Variants in MARK3 observed in about 807,000 individuals in gnomAD.
MARK3 encodes the protein microtubule affinity regulating kinase 3.
Under a neutral mutation model 90.1 loss-of-function variants are expected in MARK3, and 46 were observed. The observed-to-expected ratio is 0.51, with a 90% CI of 0.40 to 0.65. The LOEUF (loss-of-function observed/expected upper bound fraction) is 0.65, where lower values mean the gene tolerates loss of function less well. Ranked by LOEUF, MARK3 falls within the 30% of genes least tolerant of loss-of-function variation. The pLI is 0.00. For synonymous variants in MARK3, 321 were observed against 332.6 expected (o/e 0.97, Z 0.38); for missense variants, 818 against 947.2 (o/e 0.86, Z 1.79).
At chr14:103,421,606 A>G (rs1455973664) in intron 2 of MARK3, among the ~76,000 whole-genome samples, 3 of 152,152 alleles carry the variant, frequency 2.0e-5, no homozygotes, top group Non-Finnish European at 4.4e-5. Context: ...CACGCAACAC[A>G]GAGTTATTTT....
chr14:103,494,010 G>T (rs1256942551), intron 15 of MARK3, among the ~76,000 whole-genome samples: 1 of 151,756 alleles, frequency 6.6e-6, no homozygotes, highest in African/African-American at 2.4e-5. Flanking sequence ...AAGAGGGGCG[G>T]ATCACCTGGG....
At chr14:103,403,247 A>G (rs549288923) in intron 1 of MARK3, among the ~76,000 whole-genome samples, 1 of 152,180 alleles carries the variant, frequency 6.6e-6, no homozygotes, top group Admixed American at 6.5e-5. Context: ...CACAGATAGT[A>G]AAACCACTTG....
rs138377305 is a variant in MARK3 at position 103,392,791 on chromosome 14, G to A, written c.51+6711G>A. Among the ~76,000 whole-genome samples, 612 of 150,514 alleles carry A rather than the reference G, an allele frequency of 4.1e-3. 2 individuals are homozygous for A. The highest frequency in any genetic ancestry group is 0.01 in the Middle Eastern group (3 of 292). ...TATCTCATTTAAAATATGTAATATGGTTTTATTTAATTAGCTTTTTTTTTT... is the reference window on the plus strand; with the variant it reads ...TATCTCATTTAAAATATGTAATATGATTTTATTTAATTAGCTTTTTTTTTT... On this transcript the variant is annotated intron_variant, in intron 1 of 17. Coordinates refer to ENST00000429436, the MANE Select transcript of MARK3 (RefSeq NM_001128918.3).
intron 3 of MARK3, among the ~76,000 whole-genome samples, chr14:103,435,942 G>A (rs1472325043): frequency 1.3e-5 from 2 of 151,978 alleles, no homozygotes; most frequent in African/African-American, 2.4e-5. Context: ...CCAGCCTGGA[G>A]TGCAGTGGTG....
chr14:103,440,289 G>T (rs145654561), intron 3 of MARK3, among the ~76,000 whole-genome samples: 1 of 152,250 alleles, frequency 6.6e-6, no homozygotes, highest in African/African-American at 2.4e-5. Flanking sequence ...GTGTGTCCTG[G>T]CACACTTGTG....
intron 2 of MARK3, among the ~76,000 whole-genome samples, chr14:103,409,702 T>C (rs533278018): frequency 6.6e-6 from 1 of 152,276 alleles, no homozygotes; most frequent in East Asian, 1.9e-4. Context: ...TCATGGAACA[T>C]GATGACAGTT....
chr14:103,395,333 T>G (rs1433989486), intron 1 of MARK3, among the ~76,000 whole-genome samples: 1 of 148,502 alleles, frequency 6.7e-6, no homozygotes, highest in Non-Finnish European at 1.5e-5. Context: ...CCTCATGGTT[T>G]TTTTTTTTTT....
chr14:103,436,223 A>G (rs1271970277), intron 3 of MARK3, among the ~76,000 whole-genome samples: 1 of 151,924 alleles, frequency 6.6e-6, no homozygotes, highest in East Asian at 1.9e-4. Flanking sequence ...CCTTCCCCAA[A>G]TATTCTAAGT....
At chr14:103,447,646 G>T (rs1214501699) in intron 3 of MARK3, among the ~76,000 whole-genome samples, 1 of 152,076 alleles carries the variant, frequency 6.6e-6, no homozygotes, top group Non-Finnish European at 1.5e-5. Context: ...GTTTTTCTGG[G>T]TTATATTAAC....
At chr14:103,467,801 T>G (rs983130105) in intron 11 of MARK3, 15 of 371,844 alleles carry the variant, frequency 4.0e-5, no homozygotes, top group African/African-American at 2.9e-4. Context: ...ACATTTAAAG[T>G]TATTTGAGAA....
chr14:103,478,814 C>T (rs1319185541), intron 13 of MARK3, among the ~76,000 whole-genome samples: 2 of 152,170 alleles, frequency 1.3e-5, no homozygotes, highest in African/African-American at 2.4e-5. Context: ...GCTGGGATTA[C>T]AGGCGTGAGC....
intron 3 of MARK3, among the ~76,000 whole-genome samples, chr14:103,441,718 A>G (rs968388280): frequency 4.6e-5 from 7 of 152,244 alleles, no homozygotes; most frequent in African/African-American, 1.4e-4. Flanking sequence ...ATCCAGTTTC[A>G]TGGTTTTTCG....
intron 5 of MARK3, among the ~76,000 whole-genome samples, chr14:103,452,763 G>T (rs1270960613): frequency 6.6e-6 from 1 of 152,132 alleles, no homozygotes; most frequent in African/African-American, 2.4e-5. Context: ...GAGCCACCGC[G>T]CCCGGCCAGG....
In MARK3 at chr14:103,449,034, A is replaced by G. The variant is rs942879391; in HGVS notation, c.346+67A>G. 1.3e-5 allele frequency: 18 copies of G among 1,438,696 alleles called. No individual in the cohort carries two copies. In the African/African-American group the frequency reaches 2.6e-4, roughly 21 times the overall value. 89.1% of individuals were successfully genotyped at this position (1,438,696 alleles called of 1,614,324 possible). A position where few individuals can be genotyped will look rare whatever the true frequency, so the allele number is the denominator to read the frequency against. On this transcript the variant is annotated intron_variant, in intron 4 of 17. Transcript: ENST00000429436. Reference sequence around the variant, plus strand: ...ACTTGAAATTATGTCATAAAGCTAAACACGTATTCTAGAAATGGTAGAGTA... The same window carrying G: ...ACTTGAAATTATGTCATAAAGCTAAGCACGTATTCTAGAAATGGTAGAGTA...
intron 12 of MARK3, among the ~76,000 whole-genome samples, chr14:103,469,815 C>G (rs567476860): frequency 2.6e-5 from 4 of 152,130 alleles, no homozygotes; most frequent in African/African-American, 9.6e-5. Flanking sequence ...GTAATTCCAG[C>G]ACCTTGGGAG....
intron 1 of MARK3, among the ~76,000 whole-genome samples, chr14:103,395,362 A>G (rs1284858567): frequency 2.5e-5 from 2 of 79,908 alleles, no homozygotes; most frequent in African/African-American, 9.8e-5. Context: ...AGAGAATAAC[A>G]TCATTCAAGT....
At chr14:103,409,435 T>TAAAAAAAAAAAA (rs61200962) in intron 2 of MARK3, among the ~76,000 whole-genome samples, 3 of 93,420 alleles carry the variant, frequency 3.2e-5, no homozygotes, top group African/African-American at 8.3e-5. Flanking sequence ...GAACTTAAAG[T>TAAAAAAAAAAAA]AAAAAAAAAA....
chr14:103,466,802 C>T (rs1195361315), intron 10 of MARK3, among the ~76,000 whole-genome samples: 1 of 151,646 alleles, frequency 6.6e-6, no homozygotes, highest in Non-Finnish European at 1.5e-5. Context: ...GTCGGGAGGT[C>T]GAGGCCAGCC....
At position 103,415,834 on chromosome 14, in the gene MARK3, T is replaced by C. The variant is rs934271383; in HGVS notation, c.243+10567T>C. Among the ~76,000 whole-genome samples, 4 of 152,232 alleles carry C rather than the reference T, an allele frequency of 2.6e-5. No homozygotes were observed. The South Asian group carries it at 8.3e-4, about 31-fold the overall frequency. On this transcript the variant is annotated intron_variant, in intron 2 of 17. Coordinates refer to ENST00000429436, the MANE Select transcript of MARK3 (RefSeq NM_001128918.3). ...AATCAGAAGTTTCTTTTCTTATCCC[T>C]CTTTTTCCTCAGCATTATTACTCAA...
Sources: allele counts gnomAD v4.1 joint callset (sites outside exome capture counted in the v4.1 genomes callset), GRCh38; gene constraint gnomAD v4.1.1; transcripts MANE v1.5; gene names NCBI Gene and HGNC (gene_info 2026-07-23, HGNC 2026-07-21).